Variants in GLMN observed in about 807,000 individuals in gnomAD.
The protein encoded by GLMN is glomulin.
In GLMN, 75 loss-of-function variants were observed where a neutral mutation model predicts 87.8. That is an observed-to-expected ratio of 0.85 (90% CI 0.71 to 1.04). The LOEUF (loss-of-function observed/expected upper bound fraction) is 1.04. Ranked by LOEUF, GLMN falls within the 50% of genes least tolerant of loss-of-function variation. The pLI, the probability that GLMN is intolerant of heterozygous loss-of-function variation, is 0.00. For missense variants in GLMN, 588 were observed against 658.8 expected (o/e 0.89, Z 1.18); for synonymous variants, 206 against 221.6 (o/e 0.93, Z 0.63).
chr1:92,269,860 G>C, intron 8 of GLMN, 84 bp from the exon 9 acceptor site: 3 of 903,024 alleles, frequency 3.3e-6, no homozygotes, highest in South Asian at 2.7e-5. Context: ...GGGTTGAATT[G>C]TATCTCCCCC....
intron 16 of GLMN, among the ~76,000 whole-genome samples, chr1:92,257,873 A>C (rs577315197): frequency 2.8e-4 from 43 of 152,330 alleles, no homozygotes; most frequent in African/African-American, 1.0e-3. Flanking sequence ...CATGACTAAA[A>C]CACCAAAAGA....
At position 92,293,920 on chromosome 1, in the gene GLMN, G is replaced by A. The variant is rs549667994; in HGVS notation, c.166-2383C>T. Among the ~76,000 whole-genome samples, 4 of 151,916 alleles carry A rather than the reference G, an allele frequency of 2.6e-5. No individual in the cohort carries two copies. The East Asian group carries it at 5.8e-4, about 22-fold the overall frequency. ...TGAAAACCAAAACAACTGAACTCAC[G>A]GACGTAGAGAGTAGGAGGATGGTTA... On this transcript the variant is annotated intron_variant, in intron 3 of 18. Transcript: ENST00000370360.
Position 92,247,056 on chromosome 1 carries a change from G to A in GLMN, c.1668+6C>T, listed in dbSNP as rs756096722. The stretch of plus-strand genomic sequence containing the variant: ...AAAAAGGAAAGAAAAGAAAATTTCA[G>A]ATCACCTTAAGCTGCATTTCAGGAG... On this transcript the variant is annotated splice_donor_region_variant and intron_variant, in intron 18 of 18. Transcript: ENST00000370360. 7.0e-7 allele frequency: 1 copy of A among 1,434,414 alleles called. No homozygotes were observed. Among genetic ancestry groups the A allele is most frequent in the Non-Finnish European group, 9.8e-7 (1 of 1,018,446 alleles). 88.9% of individuals were successfully genotyped at this position (1,434,414 alleles called of 1,614,324 possible). A position where few individuals can be genotyped will look rare whatever the true frequency, so the allele number is the denominator to read the frequency against.
chr1:92,341,540 G>T, the GLMN span, among the ~76,000 whole-genome samples: 1 of 152,156 alleles, frequency 6.6e-6, no homozygotes, highest in Non-Finnish European at 1.5e-5. Flanking sequence ...CCAGTGCGTG[G>T]AACAGTGATA....
chr1:92,291,481 C>A lies in GLMN; in HGVS notation c.222G>T (p.Leu74Phe), dbSNP rs1399428559. 5.6e-6 allele frequency: 9 copies of A among 1,607,990 alleles called. No individual in the cohort carries two copies. In the African/African-American group the frequency reaches 8.0e-5, roughly 14 times the overall value. Residue 74 changes from leucine to phenylalanine, a missense_variant, in exon 4 of 19, where the codon TTG (leucine) becomes TTT (phenylalanine). Physicochemically the swap from Leu to Phe is conservative, Grantham distance 22. Transcript: ENST00000370360. ...NLVGPVVRCLLCKDKEDSKRK... is the reference protein window; with the variant it reads ...NLVGPVVRCLFCKDKEDSKRK... ...TTTTACTATCCTCTTTATCTTTACACAAAAGGCATCGAACAACAGGACCAA... is the reference window on the plus strand; with the variant it reads ...TTTTACTATCCTCTTTATCTTTACAAAAAAGGCATCGAACAACAGGACCAA...
chr1:92,292,248 C>A (rs202031389), intron 3 of GLMN, among the ~76,000 whole-genome samples: 17 of 58,386 alleles, frequency 2.9e-4, no homozygotes, highest in African/African-American at 1.9e-3. Context: ...TCCTAGAGTC[C>A]TTCTTTAAAA....
chr1:92,248,240 A>G, intron 16 of GLMN: 1 of 356,912 alleles, frequency 2.8e-6, no homozygotes, highest in Non-Finnish European at 5.1e-6. Flanking sequence ...TTAACTTGTT[A>G]AGTTTTATTT....
intron 7 of GLMN, among the ~76,000 whole-genome samples, chr1:92,286,168 T>A (rs186202116): frequency 6.6e-6 from 1 of 151,612 alleles, no homozygotes; most frequent in African/African-American, 2.4e-5. Context: ...GGAACACTAT[T>A]AAGCCAATGG....
At chr1:92,288,026 G>A (rs1214268092) in intron 6 of GLMN, among the ~76,000 whole-genome samples, 1 of 147,396 alleles carries the variant, frequency 6.8e-6, no homozygotes. Context: ...AAAAATTGAG[G>A]TATTTTACTG....
chr1:92,345,401 AG>A, the GLMN span, among the ~76,000 whole-genome samples: 1 of 119,170 alleles, frequency 8.4e-6, no homozygotes, highest in South Asian at 3.0e-4. Context: ...AAAAAAAAAA[AG>A]AGAGAGAGAG....
In GLMN at chr1:92,263,638, A is replaced by G; in HGVS notation, c.1394T>C (p.Leu465Pro). ...GTCACCTCACCTATCTGAGTTTTGC[A>G]GTAAATCTGTTTCTGCACCCTCTGG... ...FLPEGAETDL[L>P]QNSDRIMASL... The change falls in exon 15 of 19, where the codon CTG becomes CCG. Residue 465 changes from leucine (L) to proline (P), a missense_variant. Transcript: ENST00000370360. 2.7e-6 allele frequency: 4 copies of G among 1,498,672 alleles called. No individual in the cohort carries two copies. The highest frequency in any genetic ancestry group is 1.9e-6 in the Non-Finnish European group (2 of 1,074,530). The allele number at this position is 1,498,672 out of a possible 1,614,324, so 92.8% of individuals were successfully genotyped here.
At chr1:92,354,139 T>A in the GLMN span, among the ~76,000 whole-genome samples, 1 of 152,108 alleles carries the variant, frequency 6.6e-6, no homozygotes, top group African/African-American at 2.4e-5. Flanking sequence ...ACAGCCTTGA[T>A]TTTAGGAGCC....
chr1:92,336,401 A>G, the GLMN span: 1 of 1,609,570 alleles, frequency 6.2e-7, no homozygotes, highest in Non-Finnish European at 8.5e-7. Flanking sequence ...TTTACACACA[A>G]CTTAAAAATC....
chr1:92,294,138 T>C (rs995289349), intron 3 of GLMN, among the ~76,000 whole-genome samples: 2 of 152,174 alleles, frequency 1.3e-5, no homozygotes, highest in African/African-American at 4.8e-5. Context: ...GATAAATGCT[T>C]GAGGGGATGG....
the GLMN span, among the ~76,000 whole-genome samples, chr1:92,368,877 C>T: frequency 1.3e-5 from 2 of 152,146 alleles, no homozygotes; most frequent in South Asian, 2.1e-4. Context: ...TTTGTTGTTA[C>T]GCCACTTACC....
chr1:92,248,131 A>G, intron 16 of GLMN, 142 bp from the exon 17 acceptor site: 2 of 616,822 alleles, frequency 3.2e-6, no homozygotes, highest in Non-Finnish European at 5.8e-6. Flanking sequence ...AATAATTATT[A>G]CTATAGCTAG....
the GLMN span, among the ~76,000 whole-genome samples, chr1:92,321,944 C>CTTT: frequency 2.8e-5 from 3 of 106,082 alleles, no homozygotes; most frequent in Non-Finnish European, 4.1e-5. Context: ...AATTTTCTTT[C>CTTT]TTTTTTTTTT....
chr1:92,280,073 A>T (rs943221089), intron 7 of GLMN, among the ~76,000 whole-genome samples: 1 of 152,246 alleles, frequency 6.6e-6, no homozygotes, highest in Non-Finnish European at 1.5e-5. Context: ...CTGCAGACTT[A>T]AACATCCCTG....
chr1:92,271,709 C>A, intron 7 of GLMN, 57 bp from the exon 8 acceptor site: 2 of 1,170,608 alleles, frequency 1.7e-6, no homozygotes, highest in Non-Finnish European at 1.3e-6. Flanking sequence ...TGCCCCCCAC[C>A]CCGTGTATTC....
Sources: gnomAD v4.1 joint callset for allele counts (sites outside exome capture counted in the v4.1 genomes callset) on GRCh38, gnomAD v4.1.1 for gene constraint, MANE v1.5 for transcripts, NCBI Gene and HGNC (gene_info 2026-07-23, HGNC 2026-07-21) for gene names.